The following ADAM9 variants were observed in gnomAD, a reference collection of about 807,000 sequenced individuals.
ADAM9 encodes disintegrin and metalloproteinase domain-containing protein 9.
ADAM9 carries 54 observed loss-of-function variants against 108.1 expected under a neutral mutation model. The ratio of observed to expected loss-of-function variants is 0.50; its 90% CI spans 0.40 to 0.63. The LOEUF (loss-of-function observed/expected upper bound fraction) is 0.63. ADAM9 is among the 20% of genes least tolerant of loss of function. The pLI is 0.00. For synonymous variants in ADAM9, 316 were observed against 336.0 expected, an observed-to-expected ratio of 0.94 and a Z score of 0.65; for missense variants, 830 against 997.7, an observed-to-expected ratio of 0.83 and a Z score of 2.26.
At chr8:39,015,987 CA>C in intron 4 of ADAM9, 130 bp from the exon 5 acceptor site, 1 of 805,296 alleles carries the variant, frequency 1.2e-6, no homozygotes, top group African/African-American at 1.7e-5. Flanking sequence ...TGTGAGATGC[CA>C]ATAATATAAA....
At chr8:39,065,636 G>T (rs1347621576) in intron 14 of ADAM9, among the ~76,000 whole-genome samples, 3 of 141,504 alleles carry the variant, frequency 2.1e-5, no homozygotes. Context: ...CTCGAGTCTG[G>T]GCGACAGTGC....
At position 39,104,247 on chromosome 8, in the gene ADAM9, AAAAGAATGCAC is replaced by A. The variant is rs1187409818; in HGVS notation, c.*550_*560del. 2.2e-6 allele frequency: 1 copy of A among 453,634 alleles called. No individual in the cohort carries two copies. Among genetic ancestry groups the A allele is most frequent in the East Asian group, 6.9e-5 (1 of 14,398 alleles). 28.1% of individuals were successfully genotyped at this position (453,634 alleles called of 1,614,324 possible). On this transcript the variant is annotated 3_prime_UTR_variant, in exon 22 of 22. Coordinates refer to ENST00000487273, the MANE Select transcript of ADAM9 (RefSeq NM_003816.3). ...ACATGAATAAGCAAATATTGTCTTC[AAAAGAATGCAC>A]AAGAACCACAATTAAGATGTCATAT... is the stretch of plus-strand genomic sequence containing the variant.
chr8:39,012,786 G>A (rs1344133852), intron 3 of ADAM9, among the ~76,000 whole-genome samples: 1 of 152,138 alleles, frequency 6.6e-6, no homozygotes, highest in East Asian at 1.9e-4. Flanking sequence ...TCACACACCA[G>A]GGCCTGTCGT....
intron 1 of ADAM9, among the ~76,000 whole-genome samples, chr8:39,004,910 CT>C (rs1836113413): frequency 6.6e-6 from 1 of 152,184 alleles, no homozygotes; most frequent in Non-Finnish European, 1.5e-5. Context: ...TAGCTGGCTT[CT>C]TTACCGCAAA....
At chr8:39,079,791 G>T (rs1315351385) in intron 16 of ADAM9, among the ~76,000 whole-genome samples, 1 of 152,074 alleles carries the variant, frequency 6.6e-6, no homozygotes, top group Non-Finnish European at 1.5e-5. Context: ...CGCCATATTG[G>T]CCAGACTGGT....
chr8:39,016,810 T>C (rs934535796), intron 5 of ADAM9, among the ~76,000 whole-genome samples: 5 of 152,230 alleles, frequency 3.3e-5, no homozygotes, highest in Admixed American at 6.5e-5. Flanking sequence ...TTTCTGCTTA[T>C]TAAGTAATTT....
In ADAM9 at chr8:39,103,578, T is replaced by C. The variant is rs376097983; in HGVS notation, c.2367-29T>C. On this transcript the variant is annotated intron_variant, in intron 21 of 21. Coordinates refer to ENST00000487273, the MANE Select transcript of ADAM9 (RefSeq NM_003816.3). ...GCATTATTTCACCCAGTCTAAACAC[T>C]CTATTAACTATCTCTTTTCCCCTCG... 2.9e-5 allele frequency: 46 copies of C among 1,598,058 alleles called. No individual in the cohort carries two copies. The East Asian group carries it at 5.8e-4, about 20-fold the overall frequency.
intron 11 of ADAM9, among the ~76,000 whole-genome samples, chr8:39,037,549 C>T (rs1383902633): frequency 6.6e-6 from 1 of 150,398 alleles, no homozygotes; most frequent in South Asian, 2.1e-4. Context: ...CCCCAGCCTC[C>T]TGAGTAGCTG....
At chr8:39,026,872 T>G (rs992972902) in intron 11 of ADAM9, 62 bp downstream of exon 11, 1 of 1,596,722 alleles carries the variant, frequency 6.3e-7, no homozygotes, top group Non-Finnish European at 8.6e-7. Context: ...TCTTACACTG[T>G]GAGGGATATT....
intron 12 of ADAM9, among the ~76,000 whole-genome samples, chr8:39,051,281 T>C (rs994549258): frequency 4.6e-5 from 7 of 152,194 alleles, no homozygotes; most frequent in African/African-American, 1.4e-4. Flanking sequence ...CCTGATCTTA[T>C]ATGACGCGTC....
rs1470834725 is a variant in ADAM9, at chr8:39,104,122, C to T, written c.*422C>T. 15 of 455,514 alleles carry T rather than the reference C, an allele frequency of 3.3e-5. No individual in the cohort carries two copies. Among genetic ancestry groups the T allele is most frequent in the Admixed American group, 3.3e-4 (14 of 42,568 alleles). The allele number at this position is 455,514 out of a possible 1,614,324, so 28.2% of individuals were successfully genotyped here. A position where few individuals can be genotyped will look rare whatever the true frequency, so the allele number is the denominator to read the frequency against. On this transcript the variant is annotated 3_prime_UTR_variant, in exon 22 of 22. Transcript: ENST00000487273. ...TCATTGAACATGTGATAATCTAATACCTGTGAAAACTGACTAATCAGCTGC... is the reference window on the plus strand; with the variant it reads ...TCATTGAACATGTGATAATCTAATATCTGTGAAAACTGACTAATCAGCTGC...
At position 39,025,250 on chromosome 8, in the gene ADAM9, C is replaced by A. The variant is rs968216368; in HGVS notation, c.915-553C>A. On this transcript the variant is annotated intron_variant, in intron 9 of 21. Transcript: ENST00000487273. ...GGATTACAGATGTGCGCCACCATGG[C>A]TGGCTAATTTTCGTATTTGTTTTTT... is the stretch of plus-strand genomic sequence containing the variant. Among the ~76,000 whole-genome samples, 3 of 152,160 alleles carry A rather than the reference C, an allele frequency of 2.0e-5. No homozygotes were observed. The East Asian group carries it at 5.8e-4, about 29-fold the overall frequency.
At chr8:39,061,287 C>G (rs1352283359) in intron 14 of ADAM9, among the ~76,000 whole-genome samples, 2 of 152,196 alleles carry the variant, frequency 1.3e-5, no homozygotes, top group Admixed American at 6.5e-5. Flanking sequence ...GGCAATTCTG[C>G]CAGCTGTTGA....
At chr8:39,066,441 A>G (rs1029465502) in intron 14 of ADAM9, among the ~76,000 whole-genome samples, 78 of 152,338 alleles carry the variant, frequency 5.1e-4, no homozygotes, top group Admixed American at 1.1e-3. Context: ...AATGATCGCC[A>G]TTCTAAATGG....
At chr8:39,004,622 G>C (rs775821055) in intron 1 of ADAM9, among the ~76,000 whole-genome samples, 1 of 152,178 alleles carries the variant, frequency 6.6e-6, no homozygotes, top group East Asian at 1.9e-4. Context: ...GCTACTCCAC[G>C]AGCAGAACAG....
chr8:39,054,849 A>G (rs1838068816), intron 13 of ADAM9, among the ~76,000 whole-genome samples: 1 of 152,176 alleles, frequency 6.6e-6, no homozygotes, highest in Admixed American at 6.5e-5. Flanking sequence ...AACCATAGAA[A>G]GTAGAGAATG....
chr8:39,062,778 C>A (rs1838337835), intron 14 of ADAM9, among the ~76,000 whole-genome samples: 1 of 152,156 alleles, frequency 6.6e-6, no homozygotes, highest in South Asian at 2.1e-4. Flanking sequence ...GATGCTAGGC[C>A]TCCCCTTACA....
rs114791027 is a variant in ADAM9, at chr8:39,094,849, A to G, written c.2298+3503A>G. On this transcript the variant is annotated intron_variant, in intron 20 of 21. Coordinates refer to ENST00000487273, the MANE Select transcript of ADAM9 (RefSeq NM_003816.3). ...GTGTTAATTTTATTTATCTTTTCAA[A>G]AAACCAACTCTTAGTTTTATTGATT... Among the ~76,000 whole-genome samples the G allele has an allele frequency of 8.1e-3, 1,228 of 152,022 alleles. 14 individuals are homozygous for G. Among genetic ancestry groups the G allele is most frequent in the African/African-American group, 0.028 (1,145 of 41,480 alleles).
In ADAM9 at chr8:39,042,175, A is replaced by C. The variant is rs1001576141; in HGVS notation, c.1302+58A>C. The C allele has an allele frequency of 3.8e-6, 6 of 1,594,778 alleles. No homozygotes were observed. The African/African-American group carries it at 8.1e-5, about 21-fold the overall frequency. On this transcript the variant is annotated intron_variant, in intron 12 of 21. Transcript: ENST00000487273. ...ATTGCCATGATATTTGCAAGAAATA[A>C]AATGGCTTGCTTTGGGCAACTCTGA...
Sources: allele counts gnomAD v4.1 joint callset (sites outside exome capture counted in the v4.1 genomes callset), GRCh38; gene constraint gnomAD v4.1.1; transcripts MANE v1.5; gene names NCBI Gene and HGNC (gene_info 2026-07-23, HGNC 2026-07-21).